The following CHD5 variants were observed in gnomAD, a reference collection of about 807,000 sequenced individuals.
CHD5 encodes the protein chromodomain helicase DNA binding protein 5, also known as ATP-dependent chromatin remodeler CHD5.
A neutral mutation model predicts 230.3 loss-of-function variants in CHD5; 69 were observed. The observed-to-expected ratio is 0.30, with a 90% CI of 0.25 to 0.37. The LOEUF is 0.37. Ranked by LOEUF, CHD5 falls within the 10% of genes least tolerant of loss-of-function variation. CHD5 has a pLI of 1.00. For missense variants in CHD5, 1,827 were observed against 2,622.8 expected (o/e 0.70, Z 6.63); for synonymous variants, 1,064 against 1,065.9 (o/e 1.00, Z 0.03).
At chr1:6,143,714 A>C in intron 13 of CHD5, 109 bp downstream of exon 13, 1 of 974,526 alleles carries the variant, frequency 1.0e-6, no homozygotes, top group Non-Finnish European at 1.6e-6. Flanking sequence ...ATAAGCCATG[A>C]GGGCCCAAGG....
At position 6,136,885 on chromosome 1, in the gene CHD5, T is replaced by C; in HGVS notation, c.2437-20A>G. 6.3e-7 allele frequency: 1 copy of C among 1,594,808 alleles called. No homozygotes were observed. The highest frequency in any genetic ancestry group is 8.6e-7 in the Non-Finnish European group (1 of 1,169,386). On this transcript the variant is annotated intron_variant, in intron 15 of 41. Transcript: ENST00000262450. ...TTCTTTCTGGAGAAAAGAGGGGCAT[T>C]GGGGATGAGACGGCTGGGAGCAGAG...
chr1:6,107,717 G>A (rs201260186), intron 38 of CHD5, among the ~76,000 whole-genome samples: 2,021 of 92,910 alleles, frequency 0.022, 2 homozygotes, highest in East Asian at 0.072. Context: ...GAGATGGAGG[G>A]ATGATGGAGG....
intron 31 of CHD5, among the ~76,000 whole-genome samples, chr1:6,123,627 C>T (rs1666506591): frequency 6.6e-6 from 1 of 152,094 alleles, no homozygotes; most frequent in South Asian, 2.1e-4. Context: ...GGGGTTTCAC[C>T]ATGTTGGCCA....
At chr1:6,164,623 G>T (rs1667225123) in intron 2 of CHD5, among the ~76,000 whole-genome samples, 1 of 152,188 alleles carries the variant, frequency 6.6e-6, no homozygotes, top group Non-Finnish European at 1.5e-5. Flanking sequence ...GCAGAGGGGT[G>T]AAATTCCCTT....
chr1:6,114,635 G>A (rs1384257926), intron 33 of CHD5, among the ~76,000 whole-genome samples: 3 of 151,656 alleles, frequency 2.0e-5, no homozygotes, highest in Non-Finnish European at 4.4e-5. Flanking sequence ...TTTGTCCCAC[G>A]GACCACACAG....
intron 9 of CHD5, among the ~76,000 whole-genome samples, chr1:6,147,240 C>A (rs1666926116): frequency 6.6e-6 from 1 of 152,180 alleles, no homozygotes; most frequent in South Asian, 2.1e-4. Context: ...TCTGGACTTC[C>A]CCTACCTTAG....
chr1:6,160,294 ACCCCAGCCAGGGAAGGG>A (rs1266752107), intron 2 of CHD5, among the ~76,000 whole-genome samples: 1 of 67,996 alleles, frequency 1.5e-5, no homozygotes, highest in Admixed American at 1.5e-4. Flanking sequence ...GAGAAGAAGA[ACCCCAGCCAGGGAAGGG>A]CCCCAGCCAG....
rs370687084 is a variant in CHD5 at position 6,134,814 on chromosome 1, G to A, written c.2916C>T (p.Asn972=). ...FILTRNFEAL[N]SKGGGNQVSL... is the part of the protein sequence containing the mutation. The stretch of plus-strand genomic sequence containing the variant: ...ATACTTGGTTCCCGCCCCCCTTGGA[G>A]TTCAGTGCCTCAAAGTTCCGTGTGA... Residue 972 remains asparagine, a synonymous_variant, in exon 19 of 42, where the codon AAC becomes AAT. Transcript: ENST00000262450. This position sits in a 1 kb window ranked among gnomAD's most constrained non-coding sequence, Gnocchi z 6.3. 6.2e-7 allele frequency: 1 copy of A among 1,614,038 alleles called. No individual in the cohort carries two copies. The highest frequency in any genetic ancestry group is 1.3e-5 in the African/African-American group (1 of 74,922).
chr1:6,110,627 A>C (rs1666273767), intron 36 of CHD5, 101 bp from the exon 37 acceptor site: 1 of 1,286,402 alleles, frequency 7.8e-7, no homozygotes, highest in Admixed American at 2.0e-5. Flanking sequence ...GGGGGTCGGC[A>C]TTCTGGCTGT....
intron 31 of CHD5, among the ~76,000 whole-genome samples, chr1:6,122,962 C>T (rs919907394): frequency 2.0e-5 from 3 of 151,344 alleles, no homozygotes; most frequent in Admixed American, 2.0e-4. Flanking sequence ...CCCAGCTACT[C>T]GGGAAGCTGA....
rs1326416339 is a variant in CHD5 at position 6,155,553 on chromosome 1, C to G, written c.506+46G>C. On this transcript the variant is annotated intron_variant, in intron 4 of 41. Transcript: ENST00000262450. This position sits in a 1 kb window ranked among gnomAD's most constrained non-coding sequence, Gnocchi z 4.0. ...CTGCCTCCCTCCCGACTTGGTACCA[C>G]CAGAGGATGTGCGGGCCTGGAGAAC... is the stretch of plus-strand genomic sequence containing the variant. 2.0e-6 allele frequency: 3 copies of G among 1,510,732 alleles called. No individual in the cohort carries two copies. The highest frequency in any genetic ancestry group is 2.8e-6 in the Non-Finnish European group (3 of 1,086,560). 93.6% of individuals were successfully genotyped at this position (1,510,732 alleles called of 1,614,324 possible).
chr1:6,125,316 T>A lies in CHD5; in HGVS notation c.4261-83A>T. On this transcript the variant is annotated intron_variant, in intron 28 of 41. Transcript: ENST00000262450. This position sits in a 1 kb window ranked among gnomAD's most constrained non-coding sequence, Gnocchi z 6.7. ...ATTCTGGGATGGGGGAAGAAAAGCATGGGAGGAGGAGAAGGTAGGAAGGGG... is the reference window on the plus strand; with the variant it reads ...ATTCTGGGATGGGGGAAGAAAAGCAAGGGAGGAGGAGAAGGTAGGAAGGGG... 1 of 1,372,676 alleles carries A rather than the reference T, an allele frequency of 7.3e-7. No homozygotes were observed. The allele number at this position is 1,372,676 out of a possible 1,614,324, so 85.0% of individuals were successfully genotyped here. A position where few individuals can be genotyped will look rare whatever the true frequency, so the allele number is the denominator to read the frequency against.
At chr1:6,108,958 C>T (rs1313033522) in intron 38 of CHD5, among the ~76,000 whole-genome samples, 3 of 151,846 alleles carry the variant, frequency 2.0e-5, no homozygotes, top group South Asian at 2.1e-4. Flanking sequence ...GGAGGTAGCC[C>T]GAGAGCTGGG....
chr1:6,133,440 G>A (rs1004712549), intron 20 of CHD5, among the ~76,000 whole-genome samples: 2 of 152,230 alleles, frequency 1.3e-5, no homozygotes, highest in African/African-American at 2.4e-5. Flanking sequence ...TGTGCACAAG[G>A]AGCCATAGCC....
In CHD5 at chr1:6,130,571, G is replaced by A. The variant is rs979018594; in HGVS notation, c.3263-243C>T. On this transcript the variant is annotated intron_variant, in intron 21 of 41. Transcript: ENST00000262450. This position sits in a 1 kb window ranked among gnomAD's most constrained non-coding sequence, Gnocchi z 4.9. ...GCCCTAGTGCAGTGGGAGGGCACTG[G>A]AACGAGGAGGTCAATTTTCAAACCC... 1.3e-5 allele frequency among the ~76,000 whole-genome samples: 2 copies of A among 152,144 alleles called. No individual in the cohort carries two copies. Among genetic ancestry groups the A allele is most frequent in the Non-Finnish European group, 2.9e-5 (2 of 68,024 alleles).
At chr1:6,111,974 C>T (rs1243583931) in intron 35 of CHD5, 91 bp from the exon 36 acceptor site, 19 of 1,389,656 alleles carry the variant, frequency 1.4e-5, no homozygotes, top group Non-Finnish European at 1.9e-5. Context: ...CTACTTGCCA[C>T]TGCCTCCACC....
At chr1:6,136,025 A>T (rs953202848) in intron 17 of CHD5, among the ~76,000 whole-genome samples, 1 of 117,628 alleles carries the variant, frequency 8.5e-6, no homozygotes, top group Non-Finnish European at 1.8e-5. Flanking sequence ...AAAAAAAAAC[A>T]ACAAAAAAAA....
chr1:6,132,402 T>C (rs986620432), intron 20 of CHD5, among the ~76,000 whole-genome samples: 5 of 152,240 alleles, frequency 3.3e-5, no homozygotes, highest in African/African-American at 1.2e-4. Context: ...CTAAAGTACC[T>C]AGAGGTTCTA....
At chr1:6,163,279 C>T (rs1667205429) in intron 2 of CHD5, among the ~76,000 whole-genome samples, 1 of 152,212 alleles carries the variant, frequency 6.6e-6, no homozygotes, top group South Asian at 2.1e-4. Flanking sequence ...CTCCCTCCTC[C>T]ATCCACCTGC....
Sources: gnomAD v4.1 joint callset for allele counts (sites outside exome capture counted in the v4.1 genomes callset) on GRCh38, gnomAD v4.1.1 for gene constraint, Gnocchi (gnomAD v3.1) non-coding constraint, MANE v1.5 for transcripts, NCBI Gene and HGNC (gene_info 2026-07-23, HGNC 2026-07-21) for gene names.